The following FREM3 variants were observed in gnomAD, a reference collection of about 807,000 sequenced individuals.
FREM3 encodes FRAS1-related extracellular matrix protein 3.
Under a neutral mutation model 129.1 loss-of-function variants are expected in FREM3, and 105 were observed. That is an observed-to-expected ratio of 0.81 (90% CI 0.69 to 0.96). The LOEUF is 0.96. FREM3 is among the 40% of genes least tolerant of loss of function. The pLI is 0.00. For missense variants in FREM3, 2,593 were observed against 2,666.3 expected (o/e 0.97, Z 0.61); for synonymous variants, 1,014 against 1,044.9 (o/e 0.97, Z 0.57).
chr4:143,591,705 A>C (rs1482257218), intron 6 of FREM3, among the ~76,000 whole-genome samples: 1 of 152,170 alleles, frequency 6.6e-6, no homozygotes, highest in Non-Finnish European at 1.5e-5. Context: ...GCTGAAAAGA[A>C]TGTATATTCT....
At chr4:143,659,969 A>G (rs1739676443) in intron 2 of FREM3, among the ~76,000 whole-genome samples, 1 of 150,394 alleles carries the variant, frequency 6.6e-6, no homozygotes, top group Non-Finnish European at 1.5e-5. Flanking sequence ...TTCATTGTAG[A>G]TTCTGGATAT....
In FREM3 at chr4:143,661,263, T is replaced by C. The variant is rs968049201; in HGVS notation, c.5275+31850A>G. Among the ~76,000 whole-genome samples the C allele has an allele frequency of 2.0e-5, 3 of 152,360 alleles. No homozygotes were observed. In the East Asian group the frequency reaches 5.8e-4, roughly 29 times the overall value. ...ATTATTTTGAGATACGTCCCATCAA[T>C]ACCTAATTTATTGAGAGTTTTTAGC... On this transcript the variant is annotated intron_variant, in intron 2 of 7. Transcript: ENST00000329798.
Position 143,606,793 on chromosome 4 carries a change from A to AT in FREM3, c.6028+4485dup, listed in dbSNP as rs5862654. Among the ~76,000 whole-genome samples the AT allele has an allele frequency of 6.1e-3, 929 of 151,664 alleles. 3 individuals are homozygous for AT. Among genetic ancestry groups the AT allele is most frequent in the Non-Finnish European group, 8.3e-3 (562 of 67,860 alleles). On this transcript the variant is annotated intron_variant, in intron 6 of 7. Transcript: ENST00000329798. ...TTCATGCTTCTATGAATCTAGAAGG[A>AT]TTTTTTTTTATGTATTTCTTGTCCT...
intron 7 of FREM3, 59 bp from the exon 8 acceptor site, chr4:143,577,911 A>G (rs1578817265): frequency 1.3e-6 from 2 of 1,488,590 alleles, no homozygotes; most frequent in Non-Finnish European, 1.8e-6. Flanking sequence ...GTTTTCCTTC[A>G]GAGAAAAATG....
chr4:143,656,899 A>T (rs1233130122), intron 2 of FREM3, among the ~76,000 whole-genome samples: 1 of 152,202 alleles, frequency 6.6e-6, no homozygotes, highest in African/African-American at 2.4e-5. Flanking sequence ...AAAAACAAAA[A>T]AGTGAAAACT....
intron 6 of FREM3, among the ~76,000 whole-genome samples, chr4:143,592,384 G>T (rs1299410769): frequency 6.6e-6 from 1 of 151,368 alleles, no homozygotes; most frequent in Non-Finnish European, 1.5e-5. Context: ...GGTACTGGTT[G>T]TTCCTTTCCA....
intron 2 of FREM3, among the ~76,000 whole-genome samples, chr4:143,689,738 T>A (rs749273537): frequency 2.5e-4 from 38 of 152,104 alleles, no homozygotes; most frequent in Non-Finnish European, 3.5e-4. Flanking sequence ...TGCAGTGACC[T>A]GGATGAGATC....
chr4:143,595,961 T>A (rs6842797), intron 6 of FREM3, among the ~76,000 whole-genome samples: 56,080 of 150,056 alleles, frequency 0.37, 11,042 homozygotes, highest in Middle Eastern at 0.48. Flanking sequence ...GTGCTATGTC[T>A]TTAAAAATGA....
At chr4:143,693,744 A>T (rs1267641615) in intron 1 of FREM3, among the ~76,000 whole-genome samples, 4 of 152,232 alleles carry the variant, frequency 2.6e-5, no homozygotes. Context: ...TATTACATAT[A>T]TACCATGGAA....
intron 6 of FREM3, among the ~76,000 whole-genome samples, chr4:143,588,910 T>C (rs1738299718): frequency 6.6e-6 from 1 of 151,110 alleles, no homozygotes; most frequent in South Asian, 2.1e-4. Context: ...CACCTGTCGT[T>C]TCCTGACTTT....
chr4:143,577,777 G>T lies in FREM3; in HGVS notation c.6254C>A (p.Thr2085Asn). 1 of 1,537,302 alleles carries T rather than the reference G, an allele frequency of 6.5e-7. No homozygotes were observed. The highest frequency in any genetic ancestry group is 8.7e-7 in the Non-Finnish European group (1 of 1,146,918). The stretch of plus-strand genomic sequence containing the variant: ...AGGCTGTCCCAGGTCATCAAGGATG[G>T]TCACTTGGAATGTCTGCATGCGCAC... ...PGVRMQTFQV[T>N]ILDDLGQPTL... Residue 2085 changes from threonine to asparagine, a missense_variant, in exon 8 of 8, where the codon ACC becomes AAC. Coordinates refer to ENST00000329798, the MANE Select transcript of FREM3 (RefSeq NM_001168235.2).
chr4:143,668,117 A>G (rs376589205), intron 2 of FREM3, among the ~76,000 whole-genome samples: 46 of 152,356 alleles, frequency 3.0e-4, no homozygotes, highest in African/African-American at 1.1e-3. Flanking sequence ...ATTTAGCAGA[A>G]TGAAAGATAA....
At chr4:143,605,477 C>A (rs1457832777) in intron 6 of FREM3, among the ~76,000 whole-genome samples, 2 of 152,078 alleles carry the variant, frequency 1.3e-5, no homozygotes, top group African/African-American at 2.4e-5. Context: ...TAACAAAATT[C>A]AAGTGCTTTG....
chr4:143,586,051 C>T, intron 6 of FREM3, 58 bp from the exon 7 acceptor site: 1 of 1,501,448 alleles, frequency 6.7e-7, no homozygotes. Context: ...TATACTGTCT[C>T]CTTTGGCCCT....
At chr4:143,598,470 T>C (rs1462134653) in intron 6 of FREM3, among the ~76,000 whole-genome samples, 2 of 152,114 alleles carry the variant, frequency 1.3e-5, no homozygotes, top group East Asian at 1.9e-4. Context: ...GTATGTGAGA[T>C]TGTTAGTGCT....
chr4:143,648,090 C>T (rs1739450438), intron 2 of FREM3, among the ~76,000 whole-genome samples: 1 of 152,204 alleles, frequency 6.6e-6, no homozygotes, highest in Non-Finnish European at 1.5e-5. Flanking sequence ...GACATAGAGT[C>T]AAAGGAGATC....
chr4:143,583,070 A>G (rs1738175889), intron 7 of FREM3, among the ~76,000 whole-genome samples: 3 of 151,664 alleles, frequency 2.0e-5, no homozygotes, highest in South Asian at 4.2e-4. Flanking sequence ...TTTTGAAGAG[A>G]TGGGGTTTTG....
chr4:143,581,157 G>A (rs1047721063), intron 7 of FREM3, among the ~76,000 whole-genome samples: 6 of 152,336 alleles, frequency 3.9e-5, no homozygotes, highest in South Asian at 2.1e-4. Context: ...TTCTCCATGC[G>A]AGTCCCTGCC....
At chr4:143,577,945 A>AT in intron 7 of FREM3, 93 bp from the exon 8 acceptor site, 1 of 1,329,220 alleles carries the variant, frequency 7.5e-7, no homozygotes, top group Non-Finnish European at 1.0e-6. Context: ...ACTCTGCGGC[A>AT]TTCACCTTTG....
Sources: allele counts gnomAD v4.1 joint callset (sites outside exome capture counted in the v4.1 genomes callset), GRCh38; gene constraint gnomAD v4.1.1; transcripts MANE v1.5; gene names NCBI Gene and HGNC (gene_info 2026-07-23, HGNC 2026-07-21).